Variants in ZNF365 observed in about 807,000 individuals in gnomAD.
ZNF365 encodes zinc finger protein 365, also known as protein ZNF365.
In ZNF365, 22 loss-of-function variants were observed where a neutral mutation model predicts 35.0. The observed-to-expected ratio is 0.63, with a 90% CI of 0.45 to 0.90. The LOEUF (loss-of-function observed/expected upper bound fraction) is 0.90. Ranked by LOEUF, ZNF365 falls within the 40% of genes least tolerant of loss-of-function variation. The probability of loss-of-function intolerance (pLI) is 0.00; values close to 1 mark genes in which losing one functional copy is unlikely to be tolerated. For missense variants in ZNF365, 448 were observed against 500.3 expected, an observed-to-expected ratio of 0.90 and a Z score of 1.00; for synonymous variants, 188 against 196.2, an observed-to-expected ratio of 0.96 and a Z score of 0.35.
intron 4 of ZNF365, among the ~76,000 whole-genome samples, chr10:62,472,388 T>A (rs533293902): frequency 1.2e-4 from 18 of 152,366 alleles, no homozygotes; most frequent in African/African-American, 4.1e-4. Flanking sequence ...AGTATGCAGA[T>A]GGCATCTTTG....
intron 3 of ZNF365, among the ~76,000 whole-genome samples, chr10:62,425,814 GA>G (rs1351859989): frequency 1.5e-4 from 23 of 152,182 alleles, no homozygotes; most frequent in Admixed American, 4.6e-4. Flanking sequence ...ATCACCATTA[GA>G]AGACAAGGTC....
chr10:62,422,122 C>A (rs1840178726), intron 3 of ZNF365, among the ~76,000 whole-genome samples: 1 of 152,182 alleles, frequency 6.6e-6, no homozygotes, highest in East Asian at 1.9e-4. Flanking sequence ...ATGAGTCATG[C>A]TGAGTGGGCT....
intron 3 of ZNF365, among the ~76,000 whole-genome samples, chr10:62,426,707 C>T (rs867448776): frequency 5.3e-5 from 8 of 151,920 alleles, no homozygotes; most frequent in South Asian, 2.1e-4. Flanking sequence ...TTAGGATTGG[C>T]GAGTTTGAAT....
chr10:62,462,858 C>T (rs75836809), intron 4 of ZNF365, among the ~76,000 whole-genome samples: 1,713 of 152,206 alleles, frequency 0.011, 27 homozygotes, highest in African/African-American at 0.039. Flanking sequence ...GAATGCCTTG[C>T]TAATGGGAAA....
intron 2 of ZNF365, among the ~76,000 whole-genome samples, chr10:62,377,143 C>A (rs112753118): frequency 1.9e-3 from 291 of 152,316 alleles, no homozygotes; most frequent in African/African-American, 6.2e-3. Flanking sequence ...GCATTAAAGT[C>A]AAATATCTAA....
chr10:62,380,849 T>C (rs551703780), intron 2 of ZNF365, among the ~76,000 whole-genome samples: 1 of 152,354 alleles, frequency 6.6e-6, no homozygotes, highest in South Asian at 2.1e-4. Flanking sequence ...GCTAATTTGC[T>C]GGCTGAGTTG....
chr10:62,395,504 A>ATTTTTTTTTTT (rs67866839), intron 3 of ZNF365, among the ~76,000 whole-genome samples: 62 of 98,448 alleles, frequency 6.3e-4, no homozygotes, highest in Admixed American at 1.0e-3. Flanking sequence ...CACCCGGCTA[A>ATTTTTTTTTTT]TTTTTTTTTT....
intron 3 of ZNF365, among the ~76,000 whole-genome samples, chr10:62,421,314 C>T (rs1840164531): frequency 6.6e-6 from 1 of 152,078 alleles, no homozygotes; most frequent in African/African-American, 2.4e-5. Context: ...TGTTACCTGG[C>T]CTTTACCAAA....
downstream of ZNF365, among the ~76,000 whole-genome samples, chr10:62,406,959 C>A (rs774584746): frequency 6.6e-6 from 1 of 152,174 alleles, no homozygotes; most frequent in Non-Finnish European, 1.5e-5. Flanking sequence ...ATTCCTGGAA[C>A]CTGGGCAGGG....
chr10:62,413,133 G>A (rs1255598242), intron 3 of ZNF365, among the ~76,000 whole-genome samples: 1 of 152,026 alleles, frequency 6.6e-6, no homozygotes, highest in Non-Finnish European at 1.5e-5. Flanking sequence ...AAAATACAAA[G>A]GCATCTGATG....
chr10:62,392,125 C>G (rs1005836142), intron 3 of ZNF365, among the ~76,000 whole-genome samples: 1 of 152,052 alleles, frequency 6.6e-6, no homozygotes, highest in Admixed American at 6.6e-5. Flanking sequence ...TGTTTGAGTT[C>G]CTTGTAGATT....
intron 3 of ZNF365, among the ~76,000 whole-genome samples, chr10:62,414,912 G>C (rs1840049006): frequency 6.6e-6 from 1 of 151,778 alleles, no homozygotes; most frequent in South Asian, 2.1e-4. Context: ...GCTTCAGTTT[G>C]AATATTTTCT....
At chr10:62,474,351 TTGC>T (rs1841093367) in intron 4 of ZNF365, among the ~76,000 whole-genome samples, 1 of 152,176 alleles carries the variant, frequency 6.6e-6, no homozygotes, top group East Asian at 1.9e-4. Flanking sequence ...CTGGATGGAG[TTGC>T]TGAAATTTAA....
chr10:62,400,041 C>T lies in ZNF365; in HGVS notation c.*252C>T. ...TAAAAAAATTAAATCAATCTTAAAG[C>T]TCTAACTTCTAAAGTAACTGGCCCA... On this transcript the variant is annotated 3_prime_UTR_variant, in exon 5 of 5. Coordinates refer to ENST00000395254, the MANE Select transcript of ZNF365 (RefSeq NM_014951.3). The T allele has an allele frequency of 1.6e-6, 2 of 1,240,592 alleles. No individual in the cohort carries two copies. Among genetic ancestry groups the T allele is most frequent in the Non-Finnish European group, 2.0e-6 (2 of 988,952 alleles). The allele number at this position is 1,240,592 out of a possible 1,614,324, so 76.8% of individuals were successfully genotyped here. A position where few individuals can be genotyped will look rare whatever the true frequency, so the allele number is the denominator to read the frequency against.
intron 3 of ZNF365, among the ~76,000 whole-genome samples, chr10:62,442,492 C>T (rs1386388107): frequency 1.3e-5 from 2 of 152,158 alleles, no homozygotes; most frequent in Non-Finnish European, 2.9e-5. Context: ...GAGGGAGATA[C>T]TCACAGGCTT....
intron 3 of ZNF365, among the ~76,000 whole-genome samples, chr10:62,420,485 C>A (rs1840149387): frequency 6.6e-6 from 1 of 152,174 alleles, no homozygotes; most frequent in East Asian, 1.9e-4. Context: ...GTAGGATTTT[C>A]TCTGTCTTAA....
chr10:62,410,414 G>A (rs1839968360), intron 3 of ZNF365, among the ~76,000 whole-genome samples: 1 of 152,042 alleles, frequency 6.6e-6, no homozygotes, highest in Non-Finnish European at 1.5e-5. Context: ...TACATGTGCA[G>A]GATTTGTTAC....
intron 3 of ZNF365, among the ~76,000 whole-genome samples, chr10:62,428,738 C>G (rs1840289129): frequency 6.6e-6 from 1 of 152,128 alleles, no homozygotes; most frequent in Non-Finnish European, 1.5e-5. Flanking sequence ...CAATTAACAA[C>G]CCCATACTGA....
chr10:62,473,771 A>C (rs980187479), intron 4 of ZNF365, among the ~76,000 whole-genome samples: 3 of 152,154 alleles, frequency 2.0e-5, no homozygotes, highest in African/African-American at 7.2e-5. Context: ...TTCTGGCAGC[A>C]AGTTGAAGAA....
Sources: gnomAD v4.1 joint callset for allele counts (sites outside exome capture counted in the v4.1 genomes callset) on GRCh38, gnomAD v4.1.1 for gene constraint, MANE v1.5 for transcripts, NCBI Gene and HGNC (gene_info 2026-07-23, HGNC 2026-07-21) for gene names.